ANXA9: variants seen among roughly 807,000 people sequenced by gnomAD.
ANXA9 encodes annexin A9, also known as annexin 31.
Under a neutral mutation model 51.8 loss-of-function variants are expected in ANXA9, and 47 were observed. That is an observed-to-expected ratio of 0.91 (90% CI 0.72 to 1.16). ANXA9 has a LOEUF of 1.16. Among genes scored for constraint, ANXA9 ranks in the 50% most tolerant of loss-of-function variants. The pLI, the probability that ANXA9 is intolerant of heterozygous loss-of-function variation, is 0.00. For synonymous variants in ANXA9, 154 were observed against 168.7 expected, an observed-to-expected ratio of 0.91 and a Z score of 0.68; for missense variants, 361 against 424.7, an observed-to-expected ratio of 0.85 and a Z score of 1.32.
Position 150,983,434 on chromosome 1 carries a change from G to A in ANXA9, c.172G>A (p.Gly58Ser), listed in dbSNP as rs750815120. 1 of 1,608,014 alleles carries A rather than the reference G, an allele frequency of 6.2e-7. No homozygotes were observed. Among genetic ancestry groups the A allele is most frequent in the Non-Finnish European group, 8.5e-7 (1 of 1,177,114 alleles). ...QRLLRAITGQ[G>S]VDRSAIVDVL... ...GCTACTGAGGGCCATTACTGGCCAA[G>A]GTGAGCCCCTTTCCCCCGGCACTTG... Residue 58 changes from glycine (G) to serine (S), a missense_variant and splice_region_variant, in exon 4 of 14, where the codon GGC becomes AGC. Coordinates refer to ENST00000368947, the MANE Select transcript of ANXA9 (RefSeq NM_003568.3).
chr1:150,995,296 GC>G lies in ANXA9; in HGVS notation c.1014del (p.Leu339CysfsTer16), dbSNP rs1671824105. ...AGGGGATTGCCAGTCAGCCCTCCTG[GC>G]CTTGTGCAGGGCTGAAGACATGTGA... ...VKGDCQSALL[A>X]LCRAEDM On this transcript the variant is annotated frameshift_variant, in exon 14 of 14. Coordinates refer to ENST00000368947, the MANE Select transcript of ANXA9 (RefSeq NM_003568.3). LOFTEE classifies it high-confidence loss of function. 1 of 1,610,458 alleles carries G rather than the reference GC, an allele frequency of 6.2e-7. No homozygotes were observed. The highest frequency in any genetic ancestry group is 8.5e-7 in the Non-Finnish European group (1 of 1,178,270).
chr1:150,984,680 A>G lies in ANXA9; in HGVS notation c.472+4A>G. 6.2e-7 allele frequency: 1 copy of G among 1,612,994 alleles called. No individual in the cohort carries two copies. The highest frequency in any genetic ancestry group is 8.5e-7 in the Non-Finnish European group (1 of 1,179,208). On this transcript the variant is annotated splice_donor_region_variant and intron_variant, in intron 7 of 13. Coordinates refer to ENST00000368947, the MANE Select transcript of ANXA9 (RefSeq NM_003568.3). ...TGCCTGGCAGTCTACAAACACAGTA[A>G]GAATATAGAGGGAGGGGTCCCAGAT...
chr1:150,990,564 G>A (rs587769770), intron 12 of ANXA9, among the ~76,000 whole-genome samples: 173 of 152,222 alleles, frequency 1.1e-3, no homozygotes, highest in African/African-American at 4.0e-3. Context: ...GGAAAAACTC[G>A]GGCTGGGCGC....
Position 150,983,096 on chromosome 1 carries a change from C to A in ANXA9, c.-10C>A. 6.2e-7 allele frequency: 1 copy of A among 1,613,478 alleles called. No homozygotes were observed. The highest frequency in any genetic ancestry group is 1.3e-5 in the African/African-American group (1 of 75,030). On this transcript the variant is annotated 5_prime_UTR_variant, in exon 3 of 14. Coordinates refer to ENST00000368947, the MANE Select transcript of ANXA9 (RefSeq NM_003568.3). ...CTCCTGTTTCCTTCCCCAGGGCAACCAGTAGCACCATGTCTGTGACTGGCG... is the reference window on the plus strand; with the variant it reads ...CTCCTGTTTCCTTCCCCAGGGCAACAAGTAGCACCATGTCTGTGACTGGCG...
At chr1:150,988,246 T>G (rs779513794) in intron 11 of ANXA9, 37 bp from the exon 12 acceptor site, 1 of 1,614,208 alleles carries the variant, frequency 6.2e-7, no homozygotes, top group Non-Finnish European at 8.5e-7. Flanking sequence ...ATTGTGGTCC[T>G]AGTTGTGAAC....
intron 7 of ANXA9, among the ~76,000 whole-genome samples, chr1:150,985,627 G>A (rs587624915): frequency 6.6e-6 from 1 of 151,674 alleles, no homozygotes; most frequent in Admixed American, 6.6e-5. Context: ...GTGCAGTGAT[G>A]TCATCATGGC....
intron 7 of ANXA9, 97 bp downstream of exon 7, chr1:150,984,773 C>A: frequency 9.8e-7 from 1 of 1,017,066 alleles, no homozygotes; most frequent in Admixed American, 2.5e-5. Flanking sequence ...TATCTGGCAA[C>A]CTGGCTGCCT....
chr1:150,993,338 T>TC (rs1181841823), intron 12 of ANXA9, among the ~76,000 whole-genome samples: 1 of 151,948 alleles, frequency 6.6e-6, no homozygotes, highest in Non-Finnish European at 1.5e-5. Flanking sequence ...TGAGACGGAG[T>TC]CTTGCTCTGT....
intron 7 of ANXA9, among the ~76,000 whole-genome samples, chr1:150,984,908 C>T (rs1458367767): frequency 1.3e-5 from 2 of 151,894 alleles, no homozygotes; most frequent in African/African-American, 2.4e-5. Context: ...ATGCCTGTCA[C>T]CCCAACACTT....
chr1:150,984,668 A>G lies in ANXA9; in HGVS notation c.464A>G (p.Tyr155Cys). ...PPQLQECLAV[Y>C]KHNFQVEAVD... ...CAGCTGCAGGAGTGCCTGGCAGTCT[A>G]CAAACACAGTAAGAATATAGAGGGA... The change falls in exon 7 of 14, where the codon TAC (tyrosine) becomes TGC (cysteine). Residue 155 changes from tyrosine (Y) to cysteine (C), a missense_variant. Physicochemically the swap from Tyr to Cys is radical, Grantham distance 194. Transcript: ENST00000368947. 1.2e-6 allele frequency: 2 copies of G among 1,613,834 alleles called. No homozygotes were observed. The highest frequency in any genetic ancestry group is 1.7e-6 in the Non-Finnish European group (2 of 1,179,844).
rs764836508 is a variant in ANXA9, at chr1:150,984,083, G to A, written c.267+14G>A. The A allele has an allele frequency of 4.4e-6, 7 of 1,606,762 alleles. No individual in the cohort carries two copies. The highest frequency in any genetic ancestry group is 5.9e-6 in the Non-Finnish European group (7 of 1,177,468). Reference sequence around the variant, plus strand: ...CGCACCCAACAGGTGAGGCCATGCTGACCTCCCACAGCAGTGGACTGGGGT... The same window carrying A: ...CGCACCCAACAGGTGAGGCCATGCTAACCTCCCACAGCAGTGGACTGGGGT... On this transcript the variant is annotated intron_variant, in intron 5 of 13. Coordinates refer to ENST00000368947, the MANE Select transcript of ANXA9 (RefSeq NM_003568.3).
chr1:150,977,890 C>A (rs1263871631), upstream of ANXA9, among the ~76,000 whole-genome samples: 2 of 152,214 alleles, frequency 1.3e-5, no homozygotes, highest in Non-Finnish European at 2.9e-5. Context: ...AATCCCAACA[C>A]TTTGGGAGGC....
At chr1:150,980,572 CTTTTTTTTTTT>C (rs869295630), upstream of ANXA9, among the ~76,000 whole-genome samples, 1 of 89,062 alleles carries the variant, frequency 1.1e-5, no homozygotes, top group Non-Finnish European at 2.0e-5. Context: ...ACACAGATTA[CTTTTTTTTTTT>C]TTTTTTTTTT....
chr1:150,984,118 C>T, intron 5 of ANXA9, 49 bp downstream of exon 5: 4 of 1,584,624 alleles, frequency 2.5e-6, no homozygotes, highest in Non-Finnish European at 3.4e-6. Context: ...TGAGAAACCC[C>T]CTGGAGGACT....
At chr1:150,990,926 C>T (rs978611665) in intron 12 of ANXA9, among the ~76,000 whole-genome samples, 2 of 151,968 alleles carry the variant, frequency 1.3e-5, no homozygotes, top group African/African-American at 2.4e-5. Context: ...GGGCGGATCA[C>T]GAGGTCAGGA....
rs1671564582 is a variant in ANXA9, at chr1:150,986,595, C to T, written c.553-7C>T. ...AAGAGCCCTCTAAGAACAGTTTCTC[C>T]TCCTAGGGGGGCCGTGACAGCTACT... On this transcript the variant is annotated splice_polypyrimidine_tract_variant and splice_region_variant and intron_variant, in intron 8 of 13. Transcript: ENST00000368947. 3.1e-6 allele frequency: 5 copies of T among 1,608,650 alleles called. No homozygotes were observed. Among genetic ancestry groups the T allele is most frequent in the African/African-American group, 1.3e-5 (1 of 74,492 alleles).
At position 150,984,600 on chromosome 1, in the gene ANXA9, T is replaced by G. The variant is rs377306886; in HGVS notation, c.396T>G (p.Ala132=). The G allele has an allele frequency of 6.2e-7, 1 of 1,614,090 alleles. No homozygotes were observed. The highest frequency in any genetic ancestry group is 1.3e-5 in the African/African-American group (1 of 75,052). ...LRTALKASDS[A]VDVAIEILAT... ...ATTTCTTGTAGGCCTCAGATTCTGC[T>G]GTGGACGTGGCCATTGAAATTCTTG... The change falls in exon 7 of 14, where the codon GCT becomes GCG. Residue 132 remains alanine, a synonymous_variant. Transcript: ENST00000368947.
chr1:150,990,786 C>T (rs1041740992), intron 12 of ANXA9, among the ~76,000 whole-genome samples: 2 of 152,076 alleles, frequency 1.3e-5, no homozygotes, highest in East Asian at 1.9e-4. Flanking sequence ...GCAGAGGTTG[C>T]GGTCAGCCGA....
intron 4 of ANXA9, 45 bp from the exon 5 acceptor site, chr1:150,983,930 C>T: frequency 6.4e-7 from 1 of 1,572,052 alleles, no homozygotes; most frequent in Non-Finnish European, 8.6e-7. Flanking sequence ...GAACATCCCA[C>T]TATGTAAAGA....
Sources: gnomAD v4.1 joint callset for allele counts (sites outside exome capture counted in the v4.1 genomes callset) on GRCh38, gnomAD v4.1.1 for gene constraint, MANE v1.5 for transcripts, NCBI Gene and HGNC (gene_info 2026-07-23, HGNC 2026-07-21) for gene names.